Variants in EYS observed in about 807,000 individuals in gnomAD.
EYS encodes the protein EGF-like photoreceptor maintenance factor, also known as protein eyes shut homolog.
Under a neutral mutation model 282.1 loss-of-function variants are expected in EYS, and 250 were observed. The ratio of observed to expected loss-of-function variants is 0.89; its 90% confidence interval spans 0.80 to 0.98. The LOEUF (loss-of-function observed/expected upper bound fraction) is 0.98, where lower values mean the gene tolerates loss of function less well. Among genes scored for constraint, EYS ranks in the 50% least tolerant of loss-of-function variants. The pLI is 0.00. For synonymous variants in EYS, 1,355 were observed against 1,282.9 expected, an observed-to-expected ratio of 1.06 and a Z score of -1.20; for missense variants, 4,016 against 3,709.0, an observed-to-expected ratio of 1.08 and a Z score of -2.15.
chr6:65,182,757 A>G (rs1051604326), intron 12 of EYS, among the ~76,000 whole-genome samples: 11 of 151,812 alleles, frequency 7.2e-5, no homozygotes, highest in African/African-American at 2.7e-4. Context: ...ATAAGTCTCA[A>G]ACAAGACAGT....
intron 29 of EYS, among the ~76,000 whole-genome samples, chr6:64,326,746 G>GC (rs1477111524): frequency 1.6e-4 from 24 of 152,094 alleles, no homozygotes; most frequent in Non-Finnish European, 1.5e-5. Context: ...AAGGAGAATG[G>GC]CCCTCCTGCA....
intron 11 of EYS, among the ~76,000 whole-genome samples, chr6:65,319,237 G>A (rs1299967681): frequency 1.4e-5 from 2 of 140,666 alleles, no homozygotes; most frequent in Non-Finnish European, 1.5e-5. Context: ...ACAATTAGCC[G>A]GGCATCGTGG....
At chr6:64,782,736 A>G (rs1284170482) in intron 22 of EYS, among the ~76,000 whole-genome samples, 2 of 152,344 alleles carry the variant, frequency 1.3e-5, no homozygotes, top group East Asian at 3.9e-4. Context: ...ATGTGCCATT[A>G]AAGTCCATAT....
chr6:64,401,478 A>G (rs1462025487), intron 28 of EYS, among the ~76,000 whole-genome samples: 1 of 152,066 alleles, frequency 6.6e-6, no homozygotes, highest in Non-Finnish European at 1.5e-5. Flanking sequence ...TCCCACAAAT[A>G]TAAATAAAAA....
At chr6:64,511,380 G>C (rs1470094637) in intron 26 of EYS, among the ~76,000 whole-genome samples, 1 of 151,608 alleles carries the variant, frequency 6.6e-6, no homozygotes, top group East Asian at 1.9e-4. Flanking sequence ...TTACTTATCT[G>C]TTAATATGTC....
At chr6:65,149,766 T>C (rs891737717) in intron 12 of EYS, among the ~76,000 whole-genome samples, 3 of 152,166 alleles carry the variant, frequency 2.0e-5, no homozygotes, top group African/African-American at 7.2e-5. Flanking sequence ...TGGGTATTTC[T>C]ATAGCATTGC....
chr6:64,757,600 C>T (rs1485301518), intron 22 of EYS, among the ~76,000 whole-genome samples: 1 of 152,174 alleles, frequency 6.6e-6, no homozygotes, highest in Non-Finnish European at 1.5e-5. Flanking sequence ...TTTTATCCCA[C>T]TCCCCTAACT....
intron 37 of EYS, among the ~76,000 whole-genome samples, chr6:63,794,879 G>T (rs1473030414): frequency 1.3e-5 from 2 of 152,194 alleles, no homozygotes; most frequent in Admixed American, 6.5e-5. Flanking sequence ...GCCCTAGGAA[G>T]ATTTTTAGAC....
chr6:65,195,309 A>G (rs1386069556), intron 12 of EYS, among the ~76,000 whole-genome samples: 1 of 152,058 alleles, frequency 6.6e-6, no homozygotes, highest in Non-Finnish European at 1.5e-5. Context: ...GATATAGCGT[A>G]TCAATATATT....
chr6:64,292,191 A>C (rs1033948374), intron 30 of EYS, among the ~76,000 whole-genome samples: 9 of 152,130 alleles, frequency 5.9e-5, no homozygotes, highest in African/African-American at 2.2e-4. Flanking sequence ...ACCAGCAGTT[A>C]AGCTCTCTAG....
At chr6:64,890,746 TAAAC>T (rs1454179589) in intron 18 of EYS, among the ~76,000 whole-genome samples, 1 of 152,124 alleles carries the variant, frequency 6.6e-6, no homozygotes, top group Non-Finnish European at 1.5e-5. Flanking sequence ...ACACAGTAAA[TAAAC>T]ATACATGTAT....
intron 19 of EYS, among the ~76,000 whole-genome samples, chr6:64,870,603 G>T (rs1053393452): frequency 6.6e-6 from 1 of 151,592 alleles, no homozygotes; most frequent in Non-Finnish European, 1.5e-5. Context: ...GAACCTTCCT[G>T]AATAATACCT....
At chr6:64,868,187 G>A (rs2150052445) in intron 19 of EYS, among the ~76,000 whole-genome samples, 1 of 151,172 alleles carries the variant, frequency 6.6e-6, no homozygotes, top group South Asian at 2.1e-4. Flanking sequence ...GTATTTGTTT[G>A]TTTATTTTTA....
At chr6:64,186,371 T>C (rs1229915355) in intron 31 of EYS, among the ~76,000 whole-genome samples, 1 of 152,134 alleles carries the variant, frequency 6.6e-6, no homozygotes, top group East Asian at 1.9e-4. Flanking sequence ...GGGGGAATTA[T>C]GTTGCAACTT....
At chr6:65,516,420 A>G (rs1767137735) in intron 2 of EYS, among the ~76,000 whole-genome samples, 1 of 152,126 alleles carries the variant, frequency 6.6e-6, no homozygotes. Flanking sequence ...GAGTTTAATA[A>G]TGAAGGGAGA....
intron 35 of EYS, among the ~76,000 whole-genome samples, chr6:63,980,808 A>C (rs1767053497): frequency 6.6e-6 from 1 of 151,916 alleles, no homozygotes; most frequent in Non-Finnish European, 1.5e-5. Context: ...ACAGAGCCAA[A>C]GGATGAGAAG....
intron 13 of EYS, among the ~76,000 whole-genome samples, chr6:65,013,365 A>G (rs1370380491): frequency 6.6e-6 from 1 of 152,202 alleles, no homozygotes; most frequent in African/African-American, 2.4e-5. Context: ...ATATGTAATG[A>G]GCCCTTGTCC....
In EYS at chr6:64,599,580, C is replaced by T. The variant is rs113610949; in HGVS notation, c.3685-6271G>A. ...GTTTAAATACATTAAATTTGAGAAG[C>T]TTATTGGCTACCAGATATGTAACAA... is the stretch of plus-strand genomic sequence containing the variant. On this transcript the variant is annotated intron_variant, in intron 24 of 42. Transcript: ENST00000503581. 8.5e-3 allele frequency among the ~76,000 whole-genome samples: 1,292 copies of T among 152,140 alleles called. 23 individuals carry two copies. Among genetic ancestry groups the T allele is most frequent in the African/African-American group, 0.028 (1,168 of 41,504 alleles).
At chr6:64,743,233 AT>A (rs1205285197) in intron 22 of EYS, among the ~76,000 whole-genome samples, 3 of 152,088 alleles carry the variant, frequency 2.0e-5, no homozygotes, top group Non-Finnish European at 4.4e-5. Context: ...TAAGTCTATA[AT>A]TTTTTTGAAC....
Sources: allele counts gnomAD v4.1 joint callset (sites outside exome capture counted in the v4.1 genomes callset), GRCh38; gene constraint gnomAD v4.1.1; transcripts MANE v1.5; gene names NCBI Gene and HGNC (gene_info 2026-07-23, HGNC 2026-07-21).